The following WDR41 variants were observed in gnomAD, a reference collection of about 807,000 sequenced individuals.
WDR41 encodes the protein WD repeat-containing protein 41.
Under a neutral mutation model 69.3 loss-of-function variants are expected in WDR41, and 63 were observed. The ratio of observed to expected loss-of-function variants is 0.91; its 90% confidence interval spans 0.74 to 1.12. The LOEUF (loss-of-function observed/expected upper bound fraction) is 1.12, where lower values mean the gene tolerates loss of function less well. Ranked by LOEUF, WDR41 falls within the 50% of genes most tolerant of loss-of-function variation. The pLI is 0.00. For synonymous variants in WDR41, 185 were observed against 192.1 expected, an observed-to-expected ratio of 0.96 and a Z score of 0.31; for missense variants, 543 against 534.5, an observed-to-expected ratio of 1.02 and a Z score of -0.16.
At chr5:77,503,571 A>G (rs1374021658) in intron 1 of WDR41, among the ~76,000 whole-genome samples, 1 of 152,240 alleles carries the variant, frequency 6.6e-6, no homozygotes, top group Admixed American at 6.5e-5. Flanking sequence ...AACAGAATGT[A>G]CATTCTTCTC....
At chr5:77,578,525 G>C (rs992349197) in intron 1 of WDR41, among the ~76,000 whole-genome samples, 5 of 152,084 alleles carry the variant, frequency 3.3e-5, no homozygotes, top group African/African-American at 1.2e-4. Flanking sequence ...ACCAGATGGT[G>C]GATTTAATGG....
intron 1 of WDR41, among the ~76,000 whole-genome samples, chr5:77,618,302 C>T (rs569606330): frequency 6.6e-6 from 1 of 152,244 alleles, no homozygotes; most frequent in Non-Finnish European, 1.5e-5. Flanking sequence ...ATAGGAAAAA[C>T]TGTATGAACA....
At chr5:77,609,210 T>G (rs1744489992) in intron 1 of WDR41, among the ~76,000 whole-genome samples, 1 of 152,184 alleles carries the variant, frequency 6.6e-6, no homozygotes, top group Admixed American at 6.5e-5. Flanking sequence ...ATCTGTAGGC[T>G]CCACCTCTGG....
intron 1 of WDR41, among the ~76,000 whole-genome samples, chr5:77,604,141 T>C (rs1744372994): frequency 6.6e-6 from 1 of 152,216 alleles, no homozygotes; most frequent in Non-Finnish European, 1.5e-5. Context: ...ACGGATTGCA[T>C]TGAATCTGAA....
chr5:77,602,997 G>C (rs1744352323), intron 1 of WDR41, among the ~76,000 whole-genome samples: 1 of 149,070 alleles, frequency 6.7e-6, no homozygotes, highest in Admixed American at 6.7e-5. Context: ...AGAGTGCAGT[G>C]GCTCAATCTC....
chr5:77,575,025 G>A (rs996250323), intron 1 of WDR41, among the ~76,000 whole-genome samples: 2 of 151,972 alleles, frequency 1.3e-5, no homozygotes, highest in Admixed American at 1.3e-4. Context: ...ATCCATGGGA[G>A]AACAACCTAA....
At chr5:77,610,718 C>A (rs1744529059) in intron 1 of WDR41, among the ~76,000 whole-genome samples, 1 of 152,180 alleles carries the variant, frequency 6.6e-6, no homozygotes, top group Admixed American at 6.5e-5. Context: ...AATGTAAAGA[C>A]CATCAAGACT....
upstream of WDR41, among the ~76,000 whole-genome samples, chr5:77,496,134 A>C (rs1395810622): frequency 6.6e-6 from 1 of 152,062 alleles, no homozygotes; most frequent in African/African-American, 2.4e-5. Context: ...ATAAAAAGTA[A>C]TTATGAAAAA....
intron 1 of WDR41, among the ~76,000 whole-genome samples, chr5:77,555,281 T>C (rs1743371479): frequency 6.6e-6 from 1 of 152,202 alleles, no homozygotes; most frequent in South Asian, 2.1e-4. Flanking sequence ...TATCTTAAAC[T>C]GCATATTACT....
chr5:77,607,765 A>C (rs1230424259), intron 1 of WDR41, among the ~76,000 whole-genome samples: 1 of 152,258 alleles, frequency 6.6e-6, no homozygotes, highest in African/African-American at 2.4e-5. Flanking sequence ...CTTTTAAAGT[A>C]TATGCTTATC....
At chr5:77,500,508 G>A (rs1802001662) in intron 1 of WDR41, among the ~76,000 whole-genome samples, 1 of 152,036 alleles carries the variant, frequency 6.6e-6, no homozygotes, top group African/African-American at 2.4e-5. Context: ...ATTACTGTAG[G>A]CCCCACAGAC....
At chr5:77,438,592 G>A (rs568459988) in intron 9 of WDR41, among the ~76,000 whole-genome samples, 2 of 152,294 alleles carry the variant, frequency 1.3e-5, no homozygotes, top group East Asian at 1.9e-4. Context: ...AGGTAGGTCT[G>A]CATAGTATAT....
At chr5:77,614,064 A>G (rs1744623635) in intron 1 of WDR41, among the ~76,000 whole-genome samples, 1 of 152,244 alleles carries the variant, frequency 6.6e-6, no homozygotes, top group African/African-American at 2.4e-5. Flanking sequence ...ATCACTGGCC[A>G]TCAGAGAAAT....
upstream of WDR41, among the ~76,000 whole-genome samples, chr5:77,496,711 A>T (rs1801940787): frequency 2.0e-5 from 3 of 152,124 alleles, no homozygotes; most frequent in South Asian, 6.2e-4. Context: ...GATTCAATGC[A>T]ATCTCTATCA....
At position 77,489,532 on chromosome 5, in the gene WDR41, T is replaced by G; in HGVS notation, c.92A>C (p.Asn31Thr). 1 of 1,607,172 alleles carries G rather than the reference T, an allele frequency of 6.2e-7. No individual in the cohort carries two copies. The highest frequency in any genetic ancestry group is 8.5e-7 in the Non-Finnish European group (1 of 1,177,786). ...CAGTACTAGCAGTTCAGTGTAGGGA[T>G]TCTGGGTTTGTTCTTCACCTATTGT... ...LQTIGEEQTQ[N>T]PYTELLVLKA... is the part of the protein sequence containing the mutation. Residue 31 changes from asparagine to threonine, a missense_variant, in exon 2 of 13, where the codon AAT (asparagine) becomes ACT (threonine). Transcript: ENST00000296679.
chr5:77,435,909 G>C (rs1475176325), intron 12 of WDR41, among the ~76,000 whole-genome samples: 1 of 152,206 alleles, frequency 6.6e-6, no homozygotes, highest in East Asian at 1.9e-4. Flanking sequence ...ATTCTGTTAA[G>C]GCTTTAACTG....
chr5:77,582,877 G>T (rs1260524808), intron 1 of WDR41: 14 of 1,606,212 alleles, frequency 8.7e-6, no homozygotes, highest in Non-Finnish European at 1.0e-5. Context: ...GAAGCGAATT[G>T]CTTTGACAGA....
At chr5:77,497,965 A>C (rs968815726) in intron 1 of WDR41, among the ~76,000 whole-genome samples, 1 of 152,226 alleles carries the variant, frequency 6.6e-6, no homozygotes, top group Non-Finnish European at 1.5e-5. Flanking sequence ...CCTTGAAAAC[A>C]TATGTTAAGT....
chr5:77,454,073 T>TA, intron 5 of WDR41, 145 bp from the exon 6 acceptor site: 1 of 641,310 alleles, frequency 1.6e-6, no homozygotes, highest in Non-Finnish European at 2.8e-6. Flanking sequence ...TGGGCACTAC[T>TA]AAGTGACTAG....
Sources: allele counts gnomAD v4.1 joint callset (sites outside exome capture counted in the v4.1 genomes callset), GRCh38; gene constraint gnomAD v4.1.1; transcripts MANE v1.5; gene names NCBI Gene and HGNC (gene_info 2026-07-23, HGNC 2026-07-21).